The following TBC1D12 variants were observed in gnomAD, a reference collection of about 807,000 sequenced individuals.
TBC1D12 encodes TBC1 domain family, member 12.
Under a neutral mutation model 86.7 loss-of-function variants are expected in TBC1D12, and 56 were observed. The ratio of observed to expected loss-of-function variants is 0.65; its 90% CI spans 0.52 to 0.81. The LOEUF is 0.81. TBC1D12 is among the 30% of genes least tolerant of loss of function. TBC1D12 has a pLI of 0.00. For missense variants in TBC1D12, 1,023 were observed against 1,038.8 expected, an observed-to-expected ratio of 0.98 and a Z score of 0.21; for synonymous variants, 421 against 411.7, an observed-to-expected ratio of 1.02 and a Z score of -0.27.
At chr10:94,515,586 C>T (rs912980292) in intron 9 of TBC1D12, among the ~76,000 whole-genome samples, 36 of 149,290 alleles carry the variant, frequency 2.4e-4, no homozygotes, top group African/African-American at 8.1e-4. Flanking sequence ...TGACCTCAGG[C>T]GATCCACCCG....
At chr10:94,471,907 G>A (rs1194546365) in intron 2 of TBC1D12, among the ~76,000 whole-genome samples, 1 of 152,104 alleles carries the variant, frequency 6.6e-6, no homozygotes, top group African/African-American at 2.4e-5. Context: ...CAATTCTATA[G>A]GCTTAATTAT....
At chr10:94,441,820 AAC>A in intron 1 of TBC1D12, 74 bp from the exon 2 acceptor site, 1 of 1,487,302 alleles carries the variant, frequency 6.7e-7, no homozygotes, top group South Asian at 1.3e-5. Flanking sequence ...CTTGGGAACA[AAC>A]TTATTATAAA....
intron 2 of TBC1D12, among the ~76,000 whole-genome samples, chr10:94,443,479 G>C (rs2055409631): frequency 6.6e-6 from 1 of 152,168 alleles, no homozygotes; most frequent in East Asian, 1.9e-4. Context: ...GATGAAAATA[G>C]TGAATAGTTT....
chr10:94,477,283 T>C (rs2056004147), intron 3 of TBC1D12, among the ~76,000 whole-genome samples: 1 of 151,590 alleles, frequency 6.6e-6, no homozygotes, highest in South Asian at 2.1e-4. Flanking sequence ...TGAAGGGGCC[T>C]TTTTGGTGGG....
At chr10:94,490,159 G>A (rs565349759) in intron 3 of TBC1D12, among the ~76,000 whole-genome samples, 35 of 152,220 alleles carry the variant, frequency 2.3e-4, no homozygotes, top group South Asian at 1.0e-3. Context: ...GCTGACGCAG[G>A]AGAATTGCTT....
Position 94,521,973 on chromosome 10 carries a change from A to G in TBC1D12, c.1780A>G (p.Ile594Val), listed in dbSNP as rs1284611812. 1.2e-6 allele frequency: 2 copies of G among 1,605,634 alleles called. No individual in the cohort carries two copies. Among genetic ancestry groups the G allele is most frequent in the Non-Finnish European group, 1.7e-6 (2 of 1,174,446 alleles). The change falls in exon 10 of 13, where the codon ATT becomes GTT. Residue 594 changes from isoleucine (I) to valine (V), a missense_variant. By Grantham distance (29) the Ile-to-Val change is conservative. Around this residue, in one of 2 missense-constraint regions of TBC1D12, gnomAD observed 395 missense variants for 507.7 expected, o/e 0.78. Coordinates refer to ENST00000225235, the MANE Select transcript of TBC1D12 (RefSeq NM_015188.2). ...DVGYVQGMSFIAAVLILNLEE... is the reference protein window; with the variant it reads ...DVGYVQGMSFVAAVLILNLEE... ...TTTGAAGGTCCAAGGGATGTCCTTC[A>G]TTGCAGCAGTACTCATTCTCAATTT...
At chr10:94,475,677 C>G (rs1048165746) in intron 3 of TBC1D12, among the ~76,000 whole-genome samples, 3 of 152,136 alleles carry the variant, frequency 2.0e-5, no homozygotes, top group Admixed American at 6.5e-5. Flanking sequence ...CTCAAGTGGT[C>G]CACCCATCTC....
At chr10:94,442,458 C>G (rs1380053826) in intron 2 of TBC1D12, among the ~76,000 whole-genome samples, 5 of 152,160 alleles carry the variant, frequency 3.3e-5, no homozygotes, top group Non-Finnish European at 7.4e-5. Context: ...TCCTTTGTCA[C>G]TTTTCTGGTG....
At chr10:94,528,019 T>C (rs1289483742) in intron 11 of TBC1D12, among the ~76,000 whole-genome samples, 1 of 149,508 alleles carries the variant, frequency 6.7e-6, no homozygotes, top group Non-Finnish European at 1.5e-5. Flanking sequence ...TGCCTCCAGC[T>C]TTTTTTTTTC....
chr10:94,464,891 T>C (rs1034167481), intron 2 of TBC1D12, among the ~76,000 whole-genome samples: 1 of 152,224 alleles, frequency 6.6e-6, no homozygotes, highest in African/African-American at 2.4e-5. Context: ...ATCTCTTTAA[T>C]GTATGGCATA....
intron 12 of TBC1D12, among the ~76,000 whole-genome samples, chr10:94,531,764 T>TTTATTTTATGTTATTTTATTTTATG (rs1842430640): frequency 8.6e-6 from 1 of 116,780 alleles, no homozygotes; most frequent in Admixed American, 8.3e-5. Flanking sequence ...TTTATTTTAT[T>TTTATTTTATGTTATTTTATTTTATG]TTATTTTATG....
At chr10:94,528,863 G>GT (rs1316888312) in intron 11 of TBC1D12, among the ~76,000 whole-genome samples, 1 of 150,166 alleles carries the variant, frequency 6.7e-6, no homozygotes, top group Non-Finnish European at 1.5e-5. Context: ...TTTGAGGAGG[G>GT]GGAAGAGTAC....
Position 94,469,062 on chromosome 10 carries a change from A to G in TBC1D12, c.1096-5606A>G, listed in dbSNP as rs1390067047. Among the ~76,000 whole-genome samples, 4 of 152,342 alleles carry G rather than the reference A, an allele frequency of 2.6e-5. No individual in the cohort carries two copies. In the South Asian group the frequency reaches 6.2e-4, roughly 24 times the overall value. On this transcript the variant is annotated intron_variant, in intron 2 of 12. Coordinates refer to ENST00000225235, the MANE Select transcript of TBC1D12 (RefSeq NM_015188.2). ...AAAGAAAAAATTACGTTAGATGTGA[A>G]CTAAAAAAGTTTATAAATAAGCCAT...
chr10:94,404,785 G>T (rs1295422561), intron 1 of TBC1D12, among the ~76,000 whole-genome samples: 1 of 151,652 alleles, frequency 6.6e-6, no homozygotes, highest in African/African-American at 2.4e-5. Context: ...TGTAAGAGCA[G>T]TCCTGTAATC....
chr10:94,460,668 A>G (rs1172627632), intron 2 of TBC1D12, among the ~76,000 whole-genome samples: 2 of 151,392 alleles, frequency 1.3e-5, no homozygotes, highest in African/African-American at 2.4e-5. Context: ...TTCTCAGTCC[A>G]TATTGCTTTA....
At chr10:94,496,691 G>A (rs2056325636) in intron 4 of TBC1D12, among the ~76,000 whole-genome samples, 1 of 152,056 alleles carries the variant, frequency 6.6e-6, no homozygotes, top group Non-Finnish European at 1.5e-5. Context: ...TAGAACAGGA[G>A]ATGTTATTTT....
chr10:94,416,374 T>C (rs563776925), intron 1 of TBC1D12, among the ~76,000 whole-genome samples: 9 of 152,340 alleles, frequency 5.9e-5, no homozygotes, highest in African/African-American at 2.2e-4. Flanking sequence ...ACAGAGCCTA[T>C]TGAGGGTATT....
At chr10:94,532,985 T>C in intron 12 of TBC1D12, 43 bp from the exon 13 acceptor site, 2 of 1,084,780 alleles carry the variant, frequency 1.8e-6, no homozygotes, top group Non-Finnish European at 2.7e-6. Flanking sequence ...TTAATCTGGG[T>C]GGTAGTTTTT....
intron 12 of TBC1D12, 144 bp from the exon 13 acceptor site, chr10:94,532,884 A>T: frequency 2.0e-6 from 1 of 493,994 alleles, no homozygotes; most frequent in Non-Finnish European, 3.5e-6. Flanking sequence ...AGAAAAAAAT[A>T]AAGGGGATTT....
Sources: gnomAD v4.1 joint callset for allele counts (sites outside exome capture counted in the v4.1 genomes callset) on GRCh38, gnomAD v4.1.1 for gene constraint, gnomAD v4.1.1 regional missense constraint, MANE v1.5 for transcripts, NCBI Gene and HGNC (gene_info 2026-07-23, HGNC 2026-07-21) for gene names.